The following FNDC1 variants were observed in gnomAD, a reference collection of about 807,000 sequenced individuals.
The protein encoded by FNDC1 is fibronectin type III domain-containing protein 1.
FNDC1 carries 96 observed loss-of-function variants against 168.0 expected under a neutral mutation model. The ratio of observed to expected loss-of-function variants is 0.57; its 90% CI spans 0.48 to 0.68. FNDC1 has a LOEUF of 0.68. FNDC1 is among the 30% of genes least tolerant of loss of function. FNDC1 has a pLI of 0.00. For synonymous variants in FNDC1, 1,099 were observed against 1,025.9 expected, an observed-to-expected ratio of 1.07 and a Z score of -1.36; for missense variants, 2,587 against 2,482.1, an observed-to-expected ratio of 1.04 and a Z score of -0.90.
chr6:159,226,431 G>A lies in FNDC1; in HGVS notation c.1073-42G>A, dbSNP rs767749103. The A allele has an allele frequency of 3.2e-5, 48 of 1,479,956 alleles. 1 individual carries two copies. The highest frequency in any genetic ancestry group is 1.3e-4 in the African/African-American group (9 of 71,660). The allele number at this position is 1,479,956 out of a possible 1,614,324, so 91.7% of individuals were successfully genotyped here. A position where few individuals can be genotyped will look rare whatever the true frequency, so the allele number is the denominator to read the frequency against. ...TGTGCTATTTACATCTAGAATGTCC[G>A]GTAAGGCATTTAAAAATGTTTCTTT... On this transcript the variant is annotated intron_variant, in intron 8 of 22. Coordinates refer to ENST00000297267, the MANE Select transcript of FNDC1 (RefSeq NM_032532.3).
At chr6:159,190,339 G>GCA (rs1304153334) in intron 1 of FNDC1, among the ~76,000 whole-genome samples, 1 of 152,250 alleles carries the variant, frequency 6.6e-6, no homozygotes, top group Non-Finnish European at 1.5e-5. Context: ...GTGATTGGGA[G>GCA]GAGTACAGCC....
At chr6:159,223,247 C>T (rs557865908) in intron 6 of FNDC1, among the ~76,000 whole-genome samples, 4 of 152,256 alleles carry the variant, frequency 2.6e-5, no homozygotes, top group South Asian at 2.1e-4. Flanking sequence ...CTGCCCGCCT[C>T]GGCCTCCCAA....
chr6:159,256,676 G>A (rs765581494), intron 18 of FNDC1, 45 bp downstream of exon 18: 7 of 1,409,526 alleles, frequency 5.0e-6, no homozygotes, highest in Non-Finnish European at 7.0e-6. Flanking sequence ...CCATGTGCAT[G>A]GTTGCTGATT....
intron 14 of FNDC1, among the ~76,000 whole-genome samples, chr6:159,244,683 A>G (rs936323049): frequency 6.6e-6 from 1 of 152,234 alleles, no homozygotes; most frequent in Admixed American, 6.5e-5. Context: ...GAGCATCTTC[A>G]TATTTACAAA....
In FNDC1 at chr6:159,169,413, G is replaced by A. The variant is rs963342654; in HGVS notation, c.-184G>A. On this transcript the variant is annotated 5_prime_UTR_variant, in exon 1 of 23. Transcript: ENST00000297267. The surrounding 1 kb of genome is among the most constrained non-coding windows in gnomAD (Gnocchi z 6.8). Reference sequence around the variant, plus strand: ...GTCGGCGGCCTCAGTGGCGGAGCGCGGCTGCCGGTGTGCGGCCGGGAGCGA... The same window carrying A: ...GTCGGCGGCCTCAGTGGCGGAGCGCAGCTGCCGGTGTGCGGCCGGGAGCGA... 1 of 161,782 alleles carries A rather than the reference G, an allele frequency of 6.2e-6. No individual in the cohort carries two copies. The highest frequency in any genetic ancestry group is 6.5e-5 in the Admixed American group (1 of 15,394). The allele number at this position is 161,782 out of a possible 1,614,324, so 10.0% of individuals were successfully genotyped here.
intron 14 of FNDC1, chr6:159,243,456 T>C (rs540957791): frequency 6.6e-6 from 1 of 152,358 alleles, no homozygotes; most frequent in East Asian, 1.9e-4. Flanking sequence ...TCTAAACTTC[T>C]ACTGAGAATA....
chr6:159,236,253 C>T lies in FNDC1; in HGVS notation c.4006C>T (p.Pro1336Ser). 1 of 1,613,722 alleles carries T rather than the reference C, an allele frequency of 6.2e-7. No individual in the cohort carries two copies. The highest frequency in any genetic ancestry group is 8.5e-7 in the Non-Finnish European group (1 of 1,179,734). The change falls in exon 12 of 23, where the codon CCT (proline) becomes TCT (serine). Residue 1336 changes from proline to serine, a missense_variant. Transcript: ENST00000297267. ...ACCAAATGTAGAAGGGAAAGTCCTT[C>T]CTGGTAGTAATGGAAAACCGAATGG... is the stretch of plus-strand genomic sequence containing the variant. ...GRPNVEGKVL[P>S]GSNGKPNGQR...
chr6:159,260,018 G>A (rs181503748), intron 18 of FNDC1, among the ~76,000 whole-genome samples: 2 of 152,306 alleles, frequency 1.3e-5, no homozygotes, highest in Admixed American at 6.5e-5. Flanking sequence ...GGAATAATTC[G>A]CTTTTTAAAA....
intron 13 of FNDC1, among the ~76,000 whole-genome samples, chr6:159,239,170 A>C (rs1315856478): frequency 6.6e-6 from 1 of 151,932 alleles, no homozygotes; most frequent in Non-Finnish European, 1.5e-5. Flanking sequence ...TCTTTTTTGC[A>C]CTCTAAAAGC....
At chr6:159,224,696 TAGC>T (rs2114979962) in intron 7 of FNDC1, among the ~76,000 whole-genome samples, 1 of 152,334 alleles carries the variant, frequency 6.6e-6, no homozygotes, top group Admixed American at 6.5e-5. Flanking sequence ...TGAGTTTTCT[TAGC>T]AGAACTGTTG....
Position 159,184,630 on chromosome 6 carries a change from G to T in FNDC1, c.110-12801G>T, listed in dbSNP as rs1430298935. Among the ~76,000 whole-genome samples, 26 of 152,248 alleles carry T rather than the reference G, an allele frequency of 1.7e-4. No homozygotes were observed. In the East Asian group the frequency reaches 5.0e-3, roughly 29 times the overall value. The stretch of plus-strand genomic sequence containing the variant: ...CTCTTCTAAGGGTGTTTTTCAGGGA[G>T]CTTTCTGAGTAATATGAGTGGTGAT... On this transcript the variant is annotated intron_variant, in intron 1 of 22. Coordinates refer to ENST00000297267, the MANE Select transcript of FNDC1 (RefSeq NM_032532.3).
Position 159,256,649 on chromosome 6 carries a change from T to A in FNDC1, c.5174+18T>A, listed in dbSNP as rs370796542. 2 of 1,560,248 alleles carry A rather than the reference T, an allele frequency of 1.3e-6. No homozygotes were observed. The highest frequency in any genetic ancestry group is 1.8e-6 in the Non-Finnish European group (2 of 1,132,234). On this transcript the variant is annotated intron_variant, in intron 18 of 22. Transcript: ENST00000297267. Reference sequence around the variant, plus strand: ...AACACGAGGTACGATGTGTCAGTCATTTAGAAAAGATGAGATCCATGTGCA... The same window carrying A: ...AACACGAGGTACGATGTGTCAGTCAATTAGAAAAGATGAGATCCATGTGCA...
chr6:159,199,563 CTTA>C (rs1782328797), intron 2 of FNDC1, among the ~76,000 whole-genome samples: 1 of 152,118 alleles, frequency 6.6e-6, no homozygotes, highest in Non-Finnish European at 1.5e-5. Flanking sequence ...ATTGACATTT[CTTA>C]TTATTTTCTG....
At chr6:159,260,621 A>G (rs1357862989) in intron 18 of FNDC1, among the ~76,000 whole-genome samples, 2 of 152,252 alleles carry the variant, frequency 1.3e-5, no homozygotes, top group Non-Finnish European at 2.9e-5. Context: ...TTGTCATGTT[A>G]GCTTCACTGA....
At position 159,232,839 on chromosome 6, in the gene FNDC1, A is replaced by G. The variant is rs1159812891; in HGVS notation, c.2327A>G (p.Gln776Arg). The G allele has an allele frequency of 6.2e-7, 1 of 1,613,874 alleles. No individual in the cohort carries two copies. The highest frequency in any genetic ancestry group is 1.1e-5 in the South Asian group (1 of 91,084). ...TCTTCTCATCTCTCGTCCAGGACGC[A>G]GGTCTCTGAGGGAGCGGAGGCTTCT... ...SVSSHLSSRTQVSEGAEASDG... is the reference protein window; with the variant it reads ...SVSSHLSSRTRVSEGAEASDG... The change falls in exon 11 of 23, where the codon CAG becomes CGG. Residue 776 changes from glutamine (Q) to arginine (R), a missense_variant. Transcript: ENST00000297267. The surrounding 1 kb of genome is among the most constrained non-coding windows in gnomAD (Gnocchi z 4.9).
chr6:159,263,631 G>A (rs1355555218), intron 19 of FNDC1, among the ~76,000 whole-genome samples: 8 of 152,068 alleles, frequency 5.3e-5, no homozygotes, highest in African/African-American at 1.2e-4. Flanking sequence ...GTGTGGTGGC[G>A]GGCGCCTGTA....
At chr6:159,219,028 G>C (rs780612023) in intron 5 of FNDC1, among the ~76,000 whole-genome samples, 1 of 146,228 alleles carries the variant, frequency 6.8e-6, no homozygotes, top group Admixed American at 6.8e-5. Context: ...GGCCATTTTG[G>C]GAATTTCAGT....
chr6:159,263,822 G>A (rs1011165590), intron 19 of FNDC1, among the ~76,000 whole-genome samples: 2 of 151,974 alleles, frequency 1.3e-5, no homozygotes, highest in Non-Finnish European at 2.9e-5. Flanking sequence ...AGGCATGATG[G>A]CGCATGCCTG....
At chr6:159,240,007 C>T (rs1783383769) in intron 14 of FNDC1, 50 bp downstream of exon 14, 1 of 1,437,618 alleles carries the variant, frequency 7.0e-7, no homozygotes, top group East Asian at 2.5e-5. Flanking sequence ...CACTAGCACG[C>T]CGCAACTCAG....
Sources: allele counts gnomAD v4.1 joint callset (sites outside exome capture counted in the v4.1 genomes callset), GRCh38; gene constraint gnomAD v4.1.1; non-coding constraint Gnocchi (gnomAD v3.1); transcripts MANE v1.5; gene names NCBI Gene and HGNC (gene_info 2026-07-23, HGNC 2026-07-21).